GPC6: variants seen among roughly 807,000 people sequenced by gnomAD.
GPC6 encodes the protein glypican-6.
GPC6 carries 14 observed loss-of-function variants against 55.2 expected under a neutral mutation model. That is an observed-to-expected ratio of 0.25 (90% CI 0.17 to 0.40). The LOEUF (loss-of-function observed/expected upper bound fraction) is 0.40. Among genes scored for constraint, GPC6 ranks in the 10% least tolerant of loss-of-function variants. GPC6 has a pLI of 1.00. For synonymous variants in GPC6, 278 were observed against 259.6 expected (o/e 1.07, Z -0.68); for missense variants, 641 against 708.5 (o/e 0.90, Z 1.08).
intron 8 of GPC6, among the ~76,000 whole-genome samples, chr13:94,401,426 A>G (rs1566761896): frequency 6.6e-6 from 1 of 152,172 alleles, no homozygotes; most frequent in Non-Finnish European, 1.5e-5. Flanking sequence ...TTGTCAAACA[A>G]GAAGGAATCA....
At chr13:93,986,868 T>G (rs1394749800) in intron 3 of GPC6, among the ~76,000 whole-genome samples, 1 of 152,204 alleles carries the variant, frequency 6.6e-6, no homozygotes, top group African/African-American at 2.4e-5. Flanking sequence ...GCAAATTACT[T>G]TCTGTCAAGT....
Position 94,380,978 on chromosome 13 carries a change from T to C in GPC6, c.1153-1436T>C, listed in dbSNP as rs192151453. 3.3e-5 allele frequency among the ~76,000 whole-genome samples: 5 copies of C among 152,318 alleles called. No individual in the cohort carries two copies. In the East Asian group the frequency reaches 9.7e-4, roughly 29 times the overall value. ...TTTCGGTTTGTCTGATATGTCCTCA[T>C]GATTAGATTCAGATTATAAATTTGG... On this transcript the variant is annotated intron_variant, in intron 6 of 8. Transcript: ENST00000377047.
intron 1 of GPC6, among the ~76,000 whole-genome samples, chr13:93,257,045 C>G (rs9589694): frequency 0.031 from 4,730 of 152,098 alleles, 238 homozygotes; most frequent in African/African-American, 0.11. Context: ...TGGCTTAGGC[C>G]TCTAGTCCAG....
intron 4 of GPC6, among the ~76,000 whole-genome samples, chr13:94,262,825 A>C (rs1891695384): frequency 6.6e-6 from 1 of 152,194 alleles, no homozygotes; most frequent in Non-Finnish European, 1.5e-5. Flanking sequence ...ATTTAATCAC[A>C]TCTCTTTTTC....
chr13:94,281,351 C>T (rs190801123), intron 4 of GPC6, among the ~76,000 whole-genome samples: 143 of 152,238 alleles, frequency 9.4e-4, no homozygotes, highest in Non-Finnish European at 1.8e-3. Context: ...CTCCCCTTCC[C>T]TCTCACTCCC....
chr13:94,205,375 A>G (rs1418015833), intron 4 of GPC6, among the ~76,000 whole-genome samples: 1 of 152,184 alleles, frequency 6.6e-6, no homozygotes, highest in Non-Finnish European at 1.5e-5. Flanking sequence ...GTATTTTTGC[A>G]GCCAGTATTG....
intron 2 of GPC6, among the ~76,000 whole-genome samples, chr13:93,739,558 T>C (rs575698854): frequency 3.3e-5 from 5 of 151,940 alleles, no homozygotes; most frequent in African/African-American, 1.2e-4. Flanking sequence ...GCCTCCTGAG[T>C]AGCTGGGACT....
At position 93,586,545 on chromosome 13, in the gene GPC6, A is replaced by C. The variant is rs547991598; in HGVS notation, c.319+41124A>C. Among the ~76,000 whole-genome samples the C allele has an allele frequency of 6.6e-5, 10 of 152,332 alleles. No homozygotes were observed. The South Asian group carries it at 2.1e-3, about 32-fold the overall frequency. On this transcript the variant is annotated intron_variant, in intron 2 of 8. Transcript: ENST00000377047. ...TTCCTGTTCAAAAAATGGTGCTGGGATAACTGGCTAGCCATATGCAGAAGA... is the reference window on the plus strand; with the variant it reads ...TTCCTGTTCAAAAAATGGTGCTGGGCTAACTGGCTAGCCATATGCAGAAGA...
intron 6 of GPC6, among the ~76,000 whole-genome samples, chr13:94,342,722 A>G (rs1878103855): frequency 6.6e-6 from 1 of 152,124 alleles, no homozygotes. Flanking sequence ...TCCCTGGTGC[A>G]CTTTCTTCTC....
chr13:93,387,483 T>C (rs748023061), intron 1 of GPC6, among the ~76,000 whole-genome samples: 7 of 152,210 alleles, frequency 4.6e-5, no homozygotes, highest in Non-Finnish European at 5.9e-5. Flanking sequence ...ACTTCATCCA[T>C]GTCCCTGCAA....
chr13:94,190,359 G>A (rs1302628537), intron 4 of GPC6, among the ~76,000 whole-genome samples: 1 of 151,892 alleles, frequency 6.6e-6, no homozygotes, highest in Non-Finnish European at 1.5e-5. Flanking sequence ...CTAGTGAAAT[G>A]ACATCCACAT....
At chr13:93,827,538 T>C (rs894137794) in intron 2 of GPC6, among the ~76,000 whole-genome samples, 1 of 152,170 alleles carries the variant, frequency 6.6e-6, no homozygotes, top group Non-Finnish European at 1.5e-5. Context: ...GCTGATACAT[T>C]AGCGTCTTTC....
chr13:93,217,565 T>G, the GPC6 span, among the ~76,000 whole-genome samples: 1 of 152,204 alleles, frequency 6.6e-6, no homozygotes, highest in African/African-American at 2.4e-5. Context: ...AACATGATCC[T>G]TCATCTCTTC....
rs146963642 is a variant in GPC6, at chr13:93,871,109, G to A, written c.711+40564G>A. On this transcript the variant is annotated intron_variant, in intron 3 of 8. Transcript: ENST00000377047. ...GTCTCTAAAATGAGGAAGAGGCAGG[G>A]AATAACGGGAGACACAAAGTATAGC... Among the ~76,000 whole-genome samples, 1,108 of 151,962 alleles carry A rather than the reference G, an allele frequency of 7.3e-3. 22 individuals carry two copies. The highest frequency in any genetic ancestry group is 0.025 in the African/African-American group (1,047 of 41,506).
intron 4 of GPC6, among the ~76,000 whole-genome samples, chr13:94,190,192 G>A (rs1889342290): frequency 6.6e-6 from 1 of 151,802 alleles, no homozygotes; most frequent in African/African-American, 2.4e-5. Context: ...GCATGGTGGT[G>A]GGTGCCTGTA....
At chr13:94,302,554 A>G (rs1242816277) in intron 5 of GPC6, among the ~76,000 whole-genome samples, 1 of 152,238 alleles carries the variant, frequency 6.6e-6, no homozygotes, top group East Asian at 1.9e-4. Flanking sequence ...AAGTTATATG[A>G]TGGATATATG....
At chr13:93,488,351 T>A (rs1879813631) in intron 1 of GPC6, among the ~76,000 whole-genome samples, 1 of 152,236 alleles carries the variant, frequency 6.6e-6, no homozygotes, top group Admixed American at 6.5e-5. Flanking sequence ...TGCCACATTT[T>A]CTTAATCTAG....
intron 7 of GPC6, among the ~76,000 whole-genome samples, chr13:94,384,555 A>T (rs543118435): frequency 7.5e-4 from 87 of 115,418 alleles, no homozygotes; most frequent in Non-Finnish European, 1.2e-3. Context: ...ATATTTTTTT[A>T]AAAAAAGGCC....
intron 4 of GPC6, among the ~76,000 whole-genome samples, chr13:94,150,837 T>TATATATATATATATATATATATG (rs1555301323): frequency 2.1e-5 from 3 of 144,382 alleles, no homozygotes; most frequent in Admixed American, 6.9e-5. Context: ...TATATGTTTA[T>TATATATATATATATATATATATG]TGAATGAGTA....
Sources: allele counts gnomAD v4.1 joint callset (sites outside exome capture counted in the v4.1 genomes callset), GRCh38; gene constraint gnomAD v4.1.1; transcripts MANE v1.5; gene names NCBI Gene and HGNC (gene_info 2026-07-23, HGNC 2026-07-21).